KCNIP1: variants seen among roughly 807,000 people sequenced by gnomAD.
KCNIP1 encodes A-type potassium channel modulatory protein KCNIP1.
A neutral mutation model predicts 33.0 loss-of-function variants in KCNIP1; 18 were observed. That is an observed-to-expected ratio of 0.55 (90% confidence interval 0.38 to 0.81). The LOEUF (loss-of-function observed/expected upper bound fraction) is 0.81, where lower values mean the gene tolerates loss of function less well. Among genes scored for constraint, KCNIP1 ranks in the 30% least tolerant of loss-of-function variants. The pLI is 0.00. For synonymous variants in KCNIP1, 93 were observed against 98.3 expected (o/e 0.95, Z 0.32); for missense variants, 238 against 271.6 (o/e 0.88, Z 0.87).
intron 1 of KCNIP1, among the ~76,000 whole-genome samples, chr5:170,463,277 CAA>C (rs1425960523): frequency 1.3e-5 from 2 of 152,128 alleles, no homozygotes; most frequent in African/African-American, 4.8e-5. Flanking sequence ...CAATTCTTCA[CAA>C]AGTCTTCTAA....
At chr5:170,578,989 T>G (rs1757699361) in intron 1 of KCNIP1, among the ~76,000 whole-genome samples, 1 of 152,110 alleles carries the variant, frequency 6.6e-6, no homozygotes, top group Admixed American at 6.5e-5. Flanking sequence ...CATAGGGAGT[T>G]ATCTGGAAAA....
upstream of KCNIP1, among the ~76,000 whole-genome samples, chr5:170,503,866 C>A (rs1217725468): frequency 6.6e-6 from 1 of 152,036 alleles, no homozygotes; most frequent in Non-Finnish European, 1.5e-5. Flanking sequence ...TACATGCTCC[C>A]GGGGCTCCCG....
chr5:170,483,435 G>GC (rs1757019182), intron 1 of KCNIP1, among the ~76,000 whole-genome samples: 1 of 152,208 alleles, frequency 6.6e-6, no homozygotes, highest in Non-Finnish European at 1.5e-5. Flanking sequence ...GTCTGCTACA[G>GC]CCCCTCTCGC....
chr5:170,649,737 G>A (rs1760959228), intron 1 of KCNIP1, among the ~76,000 whole-genome samples: 1 of 152,094 alleles, frequency 6.6e-6, no homozygotes, highest in Admixed American at 6.5e-5. Context: ...TATCCATCCT[G>A]GTACAATCCT....
chr5:170,615,369 G>A (rs919122914), intron 1 of KCNIP1, among the ~76,000 whole-genome samples: 4 of 152,202 alleles, frequency 2.6e-5, no homozygotes, highest in African/African-American at 9.7e-5. Context: ...TAAGACCGTG[G>A]CTCCTTCGCA....
chr5:170,390,538 A>ATATATATATATTTTTT (rs1554088948), intron 1 of KCNIP1, among the ~76,000 whole-genome samples: 1 of 131,224 alleles, frequency 7.6e-6, no homozygotes, highest in African/African-American at 3.0e-5. Flanking sequence ...ATATATATAT[A>ATATATATATATTTTTT]TTTTCAACAA....
At chr5:170,396,979 T>C (rs1481717048) in intron 1 of KCNIP1, among the ~76,000 whole-genome samples, 1 of 152,220 alleles carries the variant, frequency 6.6e-6, no homozygotes, top group Non-Finnish European at 1.5e-5. Flanking sequence ...CTTGTTTCTT[T>C]CAGAGCCTGC....
At chr5:170,390,509 AAAAAACAAATATAT>A (rs1561601306) in intron 1 of KCNIP1, among the ~76,000 whole-genome samples, 1 of 60,738 alleles carries the variant, frequency 1.6e-5, no homozygotes, top group Admixed American at 1.7e-4. Flanking sequence ...TCTCAAAAAA[AAAAAACAAATATAT>A]ATATATATAT....
intron 1 of KCNIP1, among the ~76,000 whole-genome samples, chr5:170,397,932 G>A (rs1754803378): frequency 6.6e-6 from 1 of 152,178 alleles, no homozygotes; most frequent in African/African-American, 2.4e-5. Flanking sequence ...TTTCTGATTG[G>A]CAATTGGTTG....
intron 1 of KCNIP1, among the ~76,000 whole-genome samples, chr5:170,476,738 T>C (rs1756866032): frequency 6.6e-6 from 1 of 152,170 alleles, no homozygotes. Context: ...ACATCCACTC[T>C]TAAGGAAAAG....
At chr5:170,673,408 G>A (rs1485449753) in intron 1 of KCNIP1, among the ~76,000 whole-genome samples, 1 of 152,206 alleles carries the variant, frequency 6.6e-6, no homozygotes. Flanking sequence ...TTTATGGATC[G>A]CCTATTGTGT....
intron 1 of KCNIP1, among the ~76,000 whole-genome samples, chr5:170,557,739 G>A (rs987267298): frequency 2.6e-5 from 4 of 152,190 alleles, no homozygotes; most frequent in African/African-American, 7.2e-5. Flanking sequence ...AAGAGTGCCC[G>A]AGTGTCTGGA....
intron 1 of KCNIP1, among the ~76,000 whole-genome samples, chr5:170,645,545 A>G (rs1390880989): frequency 1.3e-5 from 2 of 152,226 alleles, no homozygotes; most frequent in African/African-American, 2.4e-5. Flanking sequence ...ACACCCCTCT[A>G]CCAGAAATGG....
At chr5:170,483,074 G>A (rs1205475126) in intron 1 of KCNIP1, 1 of 454,964 alleles carries the variant, frequency 2.2e-6, no homozygotes, top group East Asian at 7.0e-5. Context: ...AGTCAAAAGT[G>A]GAACTGGGGC....
intron 1 of KCNIP1, among the ~76,000 whole-genome samples, chr5:170,460,770 A>C (rs1316858497): frequency 6.6e-6 from 1 of 152,094 alleles, no homozygotes; most frequent in Non-Finnish European, 1.5e-5. Flanking sequence ...CAGTCTCACC[A>C]CTCTTCTTCA....
At chr5:170,358,542 C>T (rs1220676340) in intron 1 of KCNIP1, among the ~76,000 whole-genome samples, 1 of 152,206 alleles carries the variant, frequency 6.6e-6, no homozygotes. Flanking sequence ...GAAGTTGTGT[C>T]ATTTGAACAC....
At chr5:170,443,168 G>A (rs971698718) in intron 1 of KCNIP1, among the ~76,000 whole-genome samples, 1 of 152,144 alleles carries the variant, frequency 6.6e-6, no homozygotes, top group Non-Finnish European at 1.5e-5. Flanking sequence ...GATCACCACC[G>A]AGGCACAGCT....
At chr5:170,385,787 A>C (rs1379261758) in intron 1 of KCNIP1, among the ~76,000 whole-genome samples, 6 of 152,004 alleles carry the variant, frequency 3.9e-5, no homozygotes, top group African/African-American at 1.2e-4. Flanking sequence ...TATCAATGTT[A>C]CTTTATGTGG....
chr5:170,595,786 C>G (rs1171793148), intron 1 of KCNIP1, among the ~76,000 whole-genome samples: 1 of 152,198 alleles, frequency 6.6e-6, no homozygotes, highest in African/African-American at 2.4e-5. Context: ...GATTTGAACC[C>G]AAGACTCTAA....
Sources: gnomAD v4.1 joint callset for allele counts (sites outside exome capture counted in the v4.1 genomes callset) on GRCh38, gnomAD v4.1.1 for gene constraint, MANE v1.5 for transcripts, NCBI Gene and HGNC (gene_info 2026-07-23, HGNC 2026-07-21) for gene names.